Variants in LINGO2 observed in about 807,000 individuals in gnomAD.
LINGO2 encodes the protein leucine-rich repeat and immunoglobulin-like domain-containing nogo receptor-interacting protein 2.
In LINGO2, 14 loss-of-function variants were observed where a neutral mutation model predicts 30.6. The observed-to-expected ratio is 0.46, with a 90% CI of 0.30 to 0.72. The LOEUF (loss-of-function observed/expected upper bound fraction) is 0.72. LINGO2 is among the 30% of genes least tolerant of loss of function. The pLI is 0.07. For synonymous variants in LINGO2, 317 were observed against 288.5 expected (o/e 1.10, Z -1.00); for missense variants, 729 against 751.7 (o/e 0.97, Z 0.35).
At chr9:28,184,442 A>G (rs1404139151) in intron 4 of LINGO2, among the ~76,000 whole-genome samples, 2 of 152,142 alleles carry the variant, frequency 1.3e-5, no homozygotes, top group Non-Finnish European at 2.9e-5. Context: ...CTAAGGCTGC[A>G]CTATGTCTAA....
At chr9:28,246,702 G>A (rs1045194389) in intron 4 of LINGO2, among the ~76,000 whole-genome samples, 2 of 151,980 alleles carry the variant, frequency 1.3e-5, no homozygotes, top group African/African-American at 4.8e-5. Context: ...GGAAAAGCTT[G>A]TATGATGACA....
chr9:29,102,009 T>C, the LINGO2 span, among the ~76,000 whole-genome samples: 3 of 152,208 alleles, frequency 2.0e-5, no homozygotes, highest in African/African-American at 7.2e-5. Context: ...TAAAAGTATT[T>C]AAGTCATAGT....
At chr9:28,139,906 T>C (rs1473063456) in intron 4 of LINGO2, among the ~76,000 whole-genome samples, 1 of 152,194 alleles carries the variant, frequency 6.6e-6, no homozygotes, top group Non-Finnish European at 1.5e-5. Flanking sequence ...AGTTTTGTGA[T>C]TATTAGTTGA....
At chr9:29,159,307 G>A in the LINGO2 span, among the ~76,000 whole-genome samples, 1,007 of 152,178 alleles carry the variant, frequency 6.6e-3, 16 homozygotes, top group African/African-American at 0.023. Context: ...TACTTACTAA[G>A]CTCACCTTCC....
At chr9:28,214,960 G>A (rs1410866273) in intron 4 of LINGO2, among the ~76,000 whole-genome samples, 1 of 151,702 alleles carries the variant, frequency 6.6e-6, no homozygotes, top group African/African-American at 2.4e-5. Context: ...GGGATTAAAT[G>A]ACATGTTCTG....
intron 2 of LINGO2, among the ~76,000 whole-genome samples, chr9:28,395,823 C>T (rs1398885604): frequency 6.6e-6 from 1 of 152,170 alleles, no homozygotes; most frequent in Non-Finnish European, 1.5e-5. Flanking sequence ...ATTCACACTC[C>T]TCTGTCATGG....
At chr9:28,830,831 ACACGTGTGCATGGTAT>A in the LINGO2 span, among the ~76,000 whole-genome samples, 2 of 147,922 alleles carry the variant, frequency 1.4e-5, no homozygotes, top group East Asian at 3.9e-4. Context: ...ACATGCACAC[ACACGTGTGCATGGTAT>A]ATACATGCAC....
chr9:28,791,494 T>C, the LINGO2 span, among the ~76,000 whole-genome samples: 1 of 152,086 alleles, frequency 6.6e-6, no homozygotes, highest in Admixed American at 6.5e-5. Flanking sequence ...GCTTGACTGA[T>C]CCCAAAGCCA....
At chr9:28,741,660 A>C in the LINGO2 span, among the ~76,000 whole-genome samples, 3 of 151,764 alleles carry the variant, frequency 2.0e-5, no homozygotes, top group African/African-American at 7.3e-5. Flanking sequence ...TAAAGCATGG[A>C]GCTATAGGAT....
chr9:27,983,846 A>C (rs1272046944), intron 5 of LINGO2, among the ~76,000 whole-genome samples: 3 of 151,832 alleles, frequency 2.0e-5, no homozygotes, highest in Non-Finnish European at 4.4e-5. Context: ...TTAATTTTTG[A>C]GTTATCCCAG....
the LINGO2 span, among the ~76,000 whole-genome samples, chr9:28,764,998 G>C: frequency 6.6e-6 from 1 of 151,792 alleles, no homozygotes; most frequent in African/African-American, 2.4e-5. Flanking sequence ...ATGAAAAAAG[G>C]CACAAATAAA....
chr9:28,909,769 A>T, the LINGO2 span, among the ~76,000 whole-genome samples: 1 of 152,054 alleles, frequency 6.6e-6, no homozygotes, highest in Non-Finnish European at 1.5e-5. Context: ...TGCTAAAGAG[A>T]GGTACAACTC....
At chr9:28,277,850 C>CAAAAAAAAAAAAAAAAAAAAAACA (rs35288673) in intron 4 of LINGO2, among the ~76,000 whole-genome samples, 5 of 135,964 alleles carry the variant, frequency 3.7e-5, no homozygotes, top group African/African-American at 1.1e-4. Context: ...AAAAAAAAAA[C>CAAAAAAAAAAAAAAAAAAAAAACA]AAAAAAAAAA....
chr9:28,348,237 C>G (rs144496667), intron 3 of LINGO2, among the ~76,000 whole-genome samples: 36 of 152,150 alleles, frequency 2.4e-4, no homozygotes, highest in Admixed American at 2.0e-3. Context: ...TCTGAGGTAC[C>G]GGGTTCATCT....
At chr9:28,697,622 G>T in the LINGO2 span, among the ~76,000 whole-genome samples, 1 of 151,600 alleles carries the variant, frequency 6.6e-6, no homozygotes, top group Non-Finnish European at 1.5e-5. Flanking sequence ...AAATATATTT[G>T]TCCATATTTA....
intron 4 of LINGO2, among the ~76,000 whole-genome samples, chr9:28,038,990 T>C (rs1041724192): frequency 6.6e-6 from 1 of 151,226 alleles, no homozygotes. Flanking sequence ...TTCTTTTTGA[T>C]TGTGTAGCAC....
intron 4 of LINGO2, among the ~76,000 whole-genome samples, chr9:28,047,197 TTGTA>T (rs1187383659): frequency 5.9e-5 from 9 of 152,230 alleles, no homozygotes; most frequent in Admixed American, 6.5e-5. Flanking sequence ...TTCGGCCACT[TTGTA>T]TGTAAGTTTC....
the LINGO2 span, among the ~76,000 whole-genome samples, chr9:28,702,667 AT>A: frequency 2.6e-5 from 4 of 151,852 alleles, no homozygotes; most frequent in Admixed American, 6.6e-5. Context: ...GTTAGAAAGT[AT>A]TTCCTTCACT....
rs16912917 is a variant in LINGO2, at chr9:28,411,121, G to A, written c.-278-38253C>T. 5.4e-3 allele frequency among the ~76,000 whole-genome samples: 823 copies of A among 151,544 alleles called. 10 individuals carry two copies. The highest frequency in any genetic ancestry group is 0.018 in the African/African-American group (756 of 41,260). ...GTGATAGCATATCATTATAAATCAG[G>A]TATTAGGAGAGCCTTCTAAACAAAT... On this transcript the variant is annotated intron_variant, in intron 2 of 5. Coordinates refer to ENST00000379992, the Ensembl canonical transcript of LINGO2.
Sources: gnomAD v4.1 joint callset for allele counts (sites outside exome capture counted in the v4.1 genomes callset) on GRCh38, gnomAD v4.1.1 for gene constraint, MANE v1.5 for transcripts, NCBI Gene and HGNC (gene_info 2026-07-23, HGNC 2026-07-21) for gene names.